Variants in SMAP1 observed in about 807,000 individuals in gnomAD.
The protein encoded by SMAP1 is small ArfGAP 1, also known as stromal membrane-associated protein 1.
SMAP1 carries 24 observed loss-of-function variants against 58.5 expected under a neutral mutation model. The ratio of observed to expected loss-of-function variants is 0.41; its 90% CI spans 0.30 to 0.58. SMAP1 has a LOEUF of 0.58. SMAP1 is among the 20% of genes least tolerant of loss of function. SMAP1 has a pLI of 0.29. For synonymous variants in SMAP1, 216 were observed against 196.6 expected (o/e 1.10, Z -0.82); for missense variants, 563 against 566.3 (o/e 0.99, Z 0.06).
At chr6:70,688,456 T>G (rs1449277930) in intron 1 of SMAP1, among the ~76,000 whole-genome samples, 1 of 152,186 alleles carries the variant, frequency 6.6e-6, no homozygotes, top group Non-Finnish European at 1.5e-5. Context: ...TTGCCAGCAT[T>G]TGGTGTTGTG....
intron 1 of SMAP1, among the ~76,000 whole-genome samples, chr6:70,698,561 C>T (rs1028402720): frequency 2.0e-5 from 3 of 152,186 alleles, no homozygotes; most frequent in Non-Finnish European, 4.4e-5. Context: ...ATTTCGTAGG[C>T]ATGCTTCATT....
At chr6:70,728,156 C>G (rs1318546293) in intron 1 of SMAP1, among the ~76,000 whole-genome samples, 1 of 152,152 alleles carries the variant, frequency 6.6e-6, no homozygotes, top group Non-Finnish European at 1.5e-5. Context: ...TAGAGTAGTT[C>G]TGTCATCTTC....
Position 70,860,968 on chromosome 6 carries a change from C to A in SMAP1, c.*634C>A. On this transcript the variant is annotated 3_prime_UTR_variant, in exon 11 of 11. Transcript: ENST00000370455. ...TATCTGCCTCTCTTGTAATTTGGAT[C>A]TCTTCTTAATGTACATAGTGCTAAC... The A allele has an allele frequency of 2.9e-6, 1 of 344,406 alleles. No individual in the cohort carries two copies. Among genetic ancestry groups the A allele is most frequent in the Non-Finnish European group, 5.2e-6 (1 of 191,452 alleles). 21.3% of individuals were successfully genotyped at this position (344,406 alleles called of 1,614,324 possible). A position where few individuals can be genotyped will look rare whatever the true frequency, so the allele number is the denominator to read the frequency against.
At chr6:70,797,719 T>A (rs903243220) in intron 5 of SMAP1, among the ~76,000 whole-genome samples, 23 of 152,134 alleles carry the variant, frequency 1.5e-4, no homozygotes, top group African/African-American at 5.5e-4. Context: ...AAGGCATAGG[T>A]ACAAATGCAG....
intron 7 of SMAP1, chr6:70,837,667 T>TTTTTTTTTTTTTTTA: frequency 2.9e-6 from 1 of 341,516 alleles, no homozygotes; most frequent in Non-Finnish European, 3.5e-6. Context: ...TCTCTCTCTC[T>TTTTTTTTTTTTTTTA]CTTTTTTTTT....
At chr6:70,783,917 G>A (rs1045412247) in intron 4 of SMAP1, among the ~76,000 whole-genome samples, 12 of 152,186 alleles carry the variant, frequency 7.9e-5, no homozygotes, top group African/African-American at 2.2e-4. Context: ...ATCTAGCAAG[G>A]AAGGCCAACA....
chr6:70,757,212 C>T (rs1410746780), intron 3 of SMAP1, among the ~76,000 whole-genome samples: 25 of 149,336 alleles, frequency 1.7e-4, no homozygotes, highest in Admixed American at 1.7e-3. Context: ...AGAAATAACG[C>T]CGCATATCTA....
chr6:70,841,677 C>G (rs1486084238), intron 7 of SMAP1, among the ~76,000 whole-genome samples: 1 of 152,020 alleles, frequency 6.6e-6, no homozygotes. Flanking sequence ...TTGAAACACT[C>G]AAAGGAACAT....
intron 4 of SMAP1, among the ~76,000 whole-genome samples, chr6:70,787,590 G>A (rs1481221204): frequency 6.6e-6 from 1 of 152,048 alleles, no homozygotes; most frequent in Non-Finnish European, 1.5e-5. Flanking sequence ...AATGAACTCA[G>A]ACAAATTTAC....
rs1021062250 is a variant in SMAP1 at position 70,768,729 on chromosome 6, GT to G, written c.339-4615del. The stretch of plus-strand genomic sequence containing the variant: ...CCTGGATTCATTGATTTTTTGAAGG[GT>G]TTTTTGTGTCTCTATTTCCTTCAGT... On this transcript the variant is annotated intron_variant, in intron 3 of 10. Coordinates refer to ENST00000370455, the MANE Select transcript of SMAP1 (RefSeq NM_001044305.3). Among the ~76,000 whole-genome samples, 560 of 152,162 alleles carry G rather than the reference GT, an allele frequency of 3.7e-3. 4 individuals are homozygous for G. Among genetic ancestry groups the G allele is most frequent in the African/African-American group, 0.013 (526 of 41,512 alleles).
At chr6:70,756,546 T>C (rs1766498981) in intron 3 of SMAP1, among the ~76,000 whole-genome samples, 1 of 152,050 alleles carries the variant, frequency 6.6e-6, no homozygotes, top group South Asian at 2.1e-4. Flanking sequence ...TATGGAGGTA[T>C]GAGAGAACAT....
chr6:70,755,598 C>CT (rs1409886468), intron 3 of SMAP1, among the ~76,000 whole-genome samples: 1 of 151,958 alleles, frequency 6.6e-6, no homozygotes, highest in African/African-American at 2.4e-5. Context: ...GCATTTTTGA[C>CT]TTAAAATATT....
intron 1 of SMAP1, among the ~76,000 whole-genome samples, chr6:70,689,989 T>C (rs902379814): frequency 2.6e-5 from 4 of 152,222 alleles, no homozygotes; most frequent in African/African-American, 9.6e-5. Context: ...TAGACAATTA[T>C]CATCCTCGAA....
chr6:70,689,398 TC>T (rs1175484023), intron 1 of SMAP1, among the ~76,000 whole-genome samples: 5 of 152,228 alleles, frequency 3.3e-5, no homozygotes, highest in African/African-American at 4.8e-5. Context: ...AGGGAGCACT[TC>T]TGAAATTTAT....
chr6:70,826,955 A>AAAAAAAG (rs1476766300), intron 6 of SMAP1, among the ~76,000 whole-genome samples: 4 of 140,694 alleles, frequency 2.8e-5, no homozygotes, highest in Non-Finnish European at 3.2e-5. Context: ...AAAAAAAAAA[A>AAAAAAAG]AAAAAGAAAA....
intron 6 of SMAP1, among the ~76,000 whole-genome samples, chr6:70,801,421 G>C (rs1373668438): frequency 6.6e-6 from 1 of 152,020 alleles, no homozygotes; most frequent in East Asian, 1.9e-4. Flanking sequence ...TTAGCCCTTT[G>C]TCAGATGAGT....
At chr6:70,808,319 A>G (rs926839274) in intron 6 of SMAP1, among the ~76,000 whole-genome samples, 3 of 152,236 alleles carry the variant, frequency 2.0e-5, no homozygotes, top group African/African-American at 7.2e-5. Context: ...TCTGTGAAGA[A>G]CCAGATAGTA....
intron 1 of SMAP1, among the ~76,000 whole-genome samples, chr6:70,701,833 T>C (rs1767642535): frequency 6.6e-6 from 1 of 152,220 alleles, no homozygotes; most frequent in South Asian, 2.1e-4. Context: ...TTGGTTCTTA[T>C]GAAGGTGATT....
chr6:70,804,135 A>C (rs1382928450), intron 6 of SMAP1, among the ~76,000 whole-genome samples: 2 of 152,112 alleles, frequency 1.3e-5, no homozygotes, highest in Non-Finnish European at 2.9e-5. Flanking sequence ...GTCTCTTTGT[A>C]GGTCTCTAAG....
Sources: allele counts gnomAD v4.1 joint callset (sites outside exome capture counted in the v4.1 genomes callset), GRCh38; gene constraint gnomAD v4.1.1; transcripts MANE v1.5; gene names NCBI Gene and HGNC (gene_info 2026-07-23, HGNC 2026-07-21).